The following CSMD1 variants were observed in gnomAD, a reference collection of about 807,000 sequenced individuals.
CSMD1 encodes CUB and Sushi multiple domains 1.
Under a neutral mutation model 417.5 loss-of-function variants are expected in CSMD1, and 213 were observed. The ratio of observed to expected loss-of-function variants is 0.51; its 90% CI spans 0.46 to 0.57. CSMD1 has a LOEUF of 0.57. CSMD1 is among the 20% of genes least tolerant of loss of function. The probability of loss-of-function intolerance (pLI) is 0.00; values close to 1 mark genes in which losing one functional copy is unlikely to be tolerated. For missense variants in CSMD1, 6,923 were observed against 4,529.7 expected, an observed-to-expected ratio of 1.53 and a Z score of -15.17; for synonymous variants, 2,862 against 1,736.8, an observed-to-expected ratio of 1.65 and a Z score of -16.11.
chr8:4,329,067 T>G lies in CSMD1; in HGVS notation c.415+90886A>C, dbSNP rs574145241. On this transcript the variant is annotated intron_variant, in intron 3 of 69. Coordinates refer to ENST00000635120, the MANE Select transcript of CSMD1 (RefSeq NM_033225.6). ...CCCTGGAGAATAATCACATAATAAA[T>G]AAAAATTGCACAACAAATAAATCCA... is the stretch of plus-strand genomic sequence containing the variant. 6.6e-5 allele frequency among the ~76,000 whole-genome samples: 10 copies of G among 152,280 alleles called. No homozygotes were observed. The East Asian group carries it at 1.9e-3, about 29-fold the overall frequency.
At position 3,134,568 on chromosome 8, in the gene CSMD1, G is replaced by A. The variant is rs114027327; in HGVS notation, c.6241+7897C>T. On this transcript the variant is annotated intron_variant, in intron 41 of 69. Coordinates refer to ENST00000635120, the MANE Select transcript of CSMD1 (RefSeq NM_033225.6). ...GCCGTTCTGCAGCTTAGGGATGGTC[G>A]AGTGGTTTTGCAACTTGTGGGAGAA... is the stretch of plus-strand genomic sequence containing the variant. Among the ~76,000 whole-genome samples the A allele has an allele frequency of 6.7e-3, 1,017 of 152,298 alleles. 14 individuals are homozygous for A. Among genetic ancestry groups the A allele is most frequent in the African/African-American group, 0.021 (856 of 41,548 alleles).
rs534035653 is a variant in CSMD1, at chr8:3,707,917, G to A, written c.1009+497C>T. Among the ~76,000 whole-genome samples the A allele has an allele frequency of 4.9e-4, 75 of 152,256 alleles. 1 individual carries two copies. In the South Asian group the frequency reaches 0.013, roughly 27 times the overall value. On this transcript the variant is annotated intron_variant, in intron 7 of 69. Transcript: ENST00000635120. ...GGTATCTACCAGGTCCTGGGCACGT[G>A]CAAAAGTCATCAGCCAGACATGTCT...
chr8:3,326,036 G>A (rs1806507941), intron 23 of CSMD1, among the ~76,000 whole-genome samples: 1 of 152,166 alleles, frequency 6.6e-6, no homozygotes, highest in African/African-American at 2.4e-5. Context: ...TTGAGGGCAT[G>A]ACAGCGGTCA....
chr8:4,179,612 A>G (rs1798243829), intron 3 of CSMD1, among the ~76,000 whole-genome samples: 1 of 152,048 alleles, frequency 6.6e-6, no homozygotes, highest in African/African-American at 2.4e-5. Flanking sequence ...TCTGCACAGC[A>G]AAACAAACTA....
intron 2 of CSMD1, among the ~76,000 whole-genome samples, chr8:4,621,524 G>A (rs1001529827): frequency 6.6e-6 from 1 of 152,142 alleles, no homozygotes; most frequent in African/African-American, 2.4e-5. Flanking sequence ...AATCTATACA[G>A]CCCTAAATCT....
At chr8:4,348,101 G>C (rs935325321) in intron 3 of CSMD1, among the ~76,000 whole-genome samples, 1 of 152,150 alleles carries the variant, frequency 6.6e-6, no homozygotes, top group African/African-American at 2.4e-5. Context: ...AAAAGTGAAT[G>C]CTTGGCTAAC....
chr8:3,273,489 A>G (rs1192441678), intron 26 of CSMD1, among the ~76,000 whole-genome samples: 8 of 151,902 alleles, frequency 5.3e-5, no homozygotes, highest in South Asian at 2.1e-4. Flanking sequence ...ATTGATTGGA[A>G]TAGTTTCAGA....
Position 3,387,537 on chromosome 8 carries a change from A to G in CSMD1, c.2739T>C (p.Cys913=). ...YTLSDDEPLV[C]ERNHQWNHAL... ...CGTGGTTCCACTGGTGGTTCCTCTC[A>G]CAGACGAGGGGCTCGTCGTCACTTA... The change falls in exon 18 of 70, where the codon TGT becomes TGC. Residue 913 remains cysteine (C), a synonymous_variant. Coordinates refer to ENST00000635120, the MANE Select transcript of CSMD1 (RefSeq NM_033225.6). The G allele has an allele frequency of 6.2e-7, 1 of 1,602,618 alleles. No individual in the cohort carries two copies. The highest frequency in any genetic ancestry group is 2.3e-5 in the East Asian group (1 of 44,372).
chr8:3,756,039 C>A (rs941855135), intron 5 of CSMD1, among the ~76,000 whole-genome samples: 10 of 152,050 alleles, frequency 6.6e-5, no homozygotes, highest in Non-Finnish European at 1.5e-4. Context: ...CTCACCTGTA[C>A]TTACTGAACT....
At chr8:3,414,067 A>T (rs1025970237) in intron 12 of CSMD1, among the ~76,000 whole-genome samples, 3 of 149,622 alleles carry the variant, frequency 2.0e-5, no homozygotes, top group Admixed American at 6.8e-5. Flanking sequence ...TGAAACCAGG[A>T]GGTGGACGTT....
At chr8:3,922,633 G>T (rs2129144745) in intron 5 of CSMD1, among the ~76,000 whole-genome samples, 1 of 152,184 alleles carries the variant, frequency 6.6e-6, no homozygotes, top group South Asian at 2.1e-4. Context: ...TGATAAAAAT[G>T]TAAATTTGGT....
intron 4 of CSMD1, among the ~76,000 whole-genome samples, chr8:4,026,925 A>T (rs1240885831): frequency 9.4e-6 from 1 of 106,578 alleles, no homozygotes; most frequent in African/African-American, 4.9e-5. Flanking sequence ...CCAACCAAAC[A>T]ACAAACAAAC....
intron 1 of CSMD1, among the ~76,000 whole-genome samples, chr8:4,757,719 G>T (rs752220159): frequency 6.6e-6 from 1 of 152,088 alleles, no homozygotes; most frequent in Non-Finnish European, 1.5e-5. Context: ...ATCACTTTGG[G>T]AGGGTGAGGC....
intron 3 of CSMD1, among the ~76,000 whole-genome samples, chr8:4,107,424 C>T (rs1288905420): frequency 6.6e-6 from 1 of 152,192 alleles, no homozygotes; most frequent in African/African-American, 2.4e-5. Context: ...TGTCTTGATA[C>T]ACATCACATT....
At chr8:4,145,770 G>C (rs866642421) in intron 3 of CSMD1, among the ~76,000 whole-genome samples, 1 of 151,074 alleles carries the variant, frequency 6.6e-6, no homozygotes, top group Non-Finnish European at 1.5e-5. Flanking sequence ...TGCAGGTTCT[G>C]CGTCAGCTCG....
In CSMD1 at chr8:4,181,957, C is replaced by CGTGTGTGTGT. The variant is rs146690880; in HGVS notation, c.416-149868_416-149859dup. 2.3e-3 allele frequency among the ~76,000 whole-genome samples: 348 copies of CGTGTGTGTGT among 150,116 alleles called. 2 individuals carry two copies. Among genetic ancestry groups the CGTGTGTGTGT allele is most frequent in the Admixed American group, 3.3e-3 (50 of 15,140 alleles). On this transcript the variant is annotated intron_variant, in intron 3 of 69. Transcript: ENST00000635120. Reference sequence around the variant, plus strand: ...AGGTGATTCTGTTTGTCTGTGTCTGCGTGTGTGTGTGTGTGTGATGTGTGT... The same window carrying CGTGTGTGTGT: ...AGGTGATTCTGTTTGTCTGTGTCTGCGTGTGTGTGTGTGTGTGTGTGTGTGTGATGTGTGT...
At chr8:3,052,146 T>C (rs1275925215) in intron 50 of CSMD1, among the ~76,000 whole-genome samples, 3 of 152,200 alleles carry the variant, frequency 2.0e-5, no homozygotes, top group Non-Finnish European at 4.4e-5. Context: ...CAGGGCTTAA[T>C]GTCTCAATTT....
chr8:4,249,846 C>T (rs948994017), intron 3 of CSMD1, among the ~76,000 whole-genome samples: 1 of 151,998 alleles, frequency 6.6e-6, no homozygotes, highest in African/African-American at 2.4e-5. Flanking sequence ...TGAATGTGTC[C>T]CCTGACCCCC....
intron 10 of CSMD1, among the ~76,000 whole-genome samples, chr8:3,503,952 G>C (rs938484218): frequency 1.3e-5 from 2 of 152,152 alleles, no homozygotes; most frequent in South Asian, 4.2e-4. Flanking sequence ...GGGGGTTAGG[G>C]CGTGGACAAG....
Sources: allele counts gnomAD v4.1 joint callset (sites outside exome capture counted in the v4.1 genomes callset), GRCh38; gene constraint gnomAD v4.1.1; transcripts MANE v1.5; gene names NCBI Gene and HGNC (gene_info 2026-07-23, HGNC 2026-07-21).